RAP1GDS1: variants seen among roughly 807,000 people sequenced by gnomAD.
RAP1GDS1 encodes RAP1, GTP-GDP dissociation stimulator 1.
RAP1GDS1 carries 35 observed loss-of-function variants against 71.1 expected under a neutral mutation model. The ratio of observed to expected loss-of-function variants is 0.49; its 90% CI spans 0.38 to 0.65. The LOEUF (loss-of-function observed/expected upper bound fraction) is 0.65. Ranked by LOEUF, RAP1GDS1 falls within the 30% of genes least tolerant of loss-of-function variation. The probability of loss-of-function intolerance (pLI) is 0.00; values close to 1 mark genes in which losing one functional copy is unlikely to be tolerated. For missense variants in RAP1GDS1, 663 were observed against 706.1 expected (o/e 0.94, Z 0.69); for synonymous variants, 229 against 243.1 (o/e 0.94, Z 0.54).
At chr4:98,355,730 G>T (rs1256007974) in intron 4 of RAP1GDS1, among the ~76,000 whole-genome samples, 1 of 152,142 alleles carries the variant, frequency 6.6e-6, no homozygotes, top group Non-Finnish European at 1.5e-5. Flanking sequence ...GAAAAACTAG[G>T]TCAGATTTCA....
At chr4:98,368,193 G>T (rs1739805012) in intron 4 of RAP1GDS1, among the ~76,000 whole-genome samples, 2 of 152,034 alleles carry the variant, frequency 1.3e-5, no homozygotes, top group Non-Finnish European at 2.9e-5. Context: ...CACAAGCTCT[G>T]TTTGCCTGCT....
intron 5 of RAP1GDS1, among the ~76,000 whole-genome samples, 179 bp from the exon 6 acceptor site, chr4:98,391,773 T>A (rs1743711893): frequency 6.6e-6 from 1 of 152,184 alleles, no homozygotes; most frequent in Admixed American, 6.5e-5. Context: ...ACTAAACTCT[T>A]CTGAACTAAT....
chr4:98,416,513 A>AT (rs898699160), intron 7 of RAP1GDS1, among the ~76,000 whole-genome samples: 16 of 149,082 alleles, frequency 1.1e-4, no homozygotes, highest in East Asian at 3.9e-4. Flanking sequence ...CACCTGGCTA[A>AT]TTTTTTTTTG....
In RAP1GDS1 at chr4:98,352,602, G is replaced by C; in HGVS notation, c.361+1G>C. 6.2e-7 allele frequency: 1 copy of C among 1,613,218 alleles called. No homozygotes were observed. Among genetic ancestry groups the C allele is most frequent in the Non-Finnish European group, 8.5e-7 (1 of 1,179,658 alleles). On this transcript the variant is annotated splice_donor_variant, in intron 4 of 14. Coordinates refer to ENST00000408927, the MANE Select transcript of RAP1GDS1 (RefSeq NM_001100427.2). LOFTEE classifies it high-confidence loss of function. Reference sequence around the variant, plus strand: ...CTAGGAAACATATGTTACGATAGCCGTAAGTGTTGACATCTCAATAATACA... The same window carrying C: ...CTAGGAAACATATGTTACGATAGCCCTAAGTGTTGACATCTCAATAATACA...
intron 4 of RAP1GDS1, among the ~76,000 whole-genome samples, chr4:98,369,076 C>T (rs979089825): frequency 1.3e-5 from 2 of 152,122 alleles, no homozygotes; most frequent in African/African-American, 4.8e-5. Context: ...GGCAAGAGAG[C>T]TTGTGCAGGG....
intron 6 of RAP1GDS1, among the ~76,000 whole-genome samples, chr4:98,401,305 C>T (rs1745372028): frequency 6.6e-6 from 1 of 151,922 alleles, no homozygotes; most frequent in Non-Finnish European, 1.5e-5. Flanking sequence ...AACATTATTC[C>T]AGGAAAAATG....
rs1341161219 is a variant in RAP1GDS1 at position 98,308,061 on chromosome 4, C to T, written c.112+14546C>T. The stretch of plus-strand genomic sequence containing the variant: ...TAATCCCTGCATTTTGGGAGGCTCA[C>T]GCAGGAGGATTGCTTGAAGTGAGGA... On this transcript the variant is annotated intron_variant, in intron 2 of 14. Coordinates refer to ENST00000408927, the MANE Select transcript of RAP1GDS1 (RefSeq NM_001100427.2). Among the ~76,000 whole-genome samples, 12 of 151,378 alleles carry T rather than the reference C, an allele frequency of 7.9e-5. No homozygotes were observed. In the East Asian group the frequency reaches 2.1e-3, roughly 27 times the overall value.
chr4:98,278,631 G>A (rs1176693650), intron 1 of RAP1GDS1, among the ~76,000 whole-genome samples: 1 of 152,096 alleles, frequency 6.6e-6, no homozygotes, highest in Admixed American at 6.5e-5. Context: ...ATAGCCTTCA[G>A]CAAGTTGCTT....
chr4:98,289,675 T>G (rs776196315), intron 1 of RAP1GDS1, among the ~76,000 whole-genome samples: 3 of 152,014 alleles, frequency 2.0e-5, no homozygotes. Context: ...CAGAAACTAC[T>G]ATTCCTACTT....
At chr4:98,297,016 C>CT in intron 2 of RAP1GDS1, 1 of 170,752 alleles carries the variant, frequency 5.9e-6, no homozygotes, top group South Asian at 1.0e-4. Context: ...CTGCCTCGTT[C>CT]TCTTTTTTTT....
chr4:98,347,837 C>A (rs918661571), intron 3 of RAP1GDS1, among the ~76,000 whole-genome samples: 3 of 152,212 alleles, frequency 2.0e-5, no homozygotes, highest in African/African-American at 7.2e-5. Flanking sequence ...GAGTCAGAAT[C>A]CAGCCAGCTG....
chr4:98,281,244 G>A (rs1057093378), intron 1 of RAP1GDS1, among the ~76,000 whole-genome samples: 2 of 152,182 alleles, frequency 1.3e-5, no homozygotes, highest in Admixed American at 1.3e-4. Flanking sequence ...CTATCCATGA[G>A]CATAGAATGT....
In RAP1GDS1 at chr4:98,287,761, TG is replaced by T. The variant is rs1330215954; in HGVS notation, c.5-5646del. Among the ~76,000 whole-genome samples, 3 of 151,054 alleles carry T rather than the reference TG, an allele frequency of 2.0e-5. No individual in the cohort carries two copies. The East Asian group carries it at 5.8e-4, about 29-fold the overall frequency. ...CTTTGAAATATTGCACACATGCACC[TG>T]AACAGTTACTTTTTTGCTCAGATAT... On this transcript the variant is annotated intron_variant, in intron 1 of 14. Coordinates refer to ENST00000408927, the MANE Select transcript of RAP1GDS1 (RefSeq NM_001100427.2).
chr4:98,368,591 G>T (rs984746434), intron 4 of RAP1GDS1, among the ~76,000 whole-genome samples: 1 of 152,268 alleles, frequency 6.6e-6, no homozygotes, highest in African/African-American at 2.4e-5. Flanking sequence ...TTTTATGAGT[G>T]AGATCAATTG....
chr4:98,321,528 C>T (rs1338377621), intron 2 of RAP1GDS1, among the ~76,000 whole-genome samples: 3 of 146,490 alleles, frequency 2.0e-5, no homozygotes, highest in Non-Finnish European at 4.5e-5. Flanking sequence ...AGAGAAAGGT[C>T]GGGTTACCCT....
intron 7 of RAP1GDS1, among the ~76,000 whole-genome samples, chr4:98,411,581 T>C (rs924911676): frequency 6.6e-6 from 1 of 152,272 alleles, no homozygotes; most frequent in African/African-American, 2.4e-5. Flanking sequence ...GTAAAAATTT[T>C]ACTGTGACCT....
chr4:98,314,958 T>C (rs1359806154), intron 2 of RAP1GDS1, among the ~76,000 whole-genome samples: 2 of 152,192 alleles, frequency 1.3e-5, no homozygotes, highest in Non-Finnish European at 2.9e-5. Flanking sequence ...TTCTCAATAC[T>C]GGTAGCCTTC....
At chr4:98,320,822 A>G (rs1216301557) in intron 2 of RAP1GDS1, among the ~76,000 whole-genome samples, 5 of 132,788 alleles carry the variant, frequency 3.8e-5, no homozygotes, top group Admixed American at 3.2e-4. Context: ...AGATGGGGAA[A>G]AAACAGAACA....
chr4:98,434,597 C>T (rs1244069696), intron 13 of RAP1GDS1, among the ~76,000 whole-genome samples: 2 of 148,676 alleles, frequency 1.3e-5, no homozygotes, highest in Non-Finnish European at 3.0e-5. Flanking sequence ...TAAATAATTT[C>T]ATTAGTTTCA....
Sources: allele counts gnomAD v4.1 joint callset (sites outside exome capture counted in the v4.1 genomes callset), GRCh38; gene constraint gnomAD v4.1.1; transcripts MANE v1.5; gene names NCBI Gene and HGNC (gene_info 2026-07-23, HGNC 2026-07-21).